ZBTB11: variants seen among roughly 807,000 people sequenced by gnomAD.
The protein encoded by ZBTB11 is zinc finger and BTB domain containing 11.
In ZBTB11, 68 loss-of-function variants were observed where a neutral mutation model predicts 113.1. That is an observed-to-expected ratio of 0.60 (90% CI 0.49 to 0.74). The LOEUF is 0.74. Among genes scored for constraint, ZBTB11 ranks in the 30% least tolerant of loss-of-function variants. The probability of loss-of-function intolerance (pLI) is 0.00; values close to 1 mark genes in which losing one functional copy is unlikely to be tolerated. For synonymous variants in ZBTB11, 518 were observed against 452.6 expected, an observed-to-expected ratio of 1.14 and a Z score of -1.83; for missense variants, 1,104 against 1,279.4, an observed-to-expected ratio of 0.86 and a Z score of 2.09.
chr3:101,670,831 T>A, intron 3 of ZBTB11: 2 of 295,258 alleles, frequency 6.8e-6, no homozygotes, highest in Non-Finnish European at 1.3e-5. Context: ...ATTCATTTAA[T>A]GTAATAATTT....
intron 10 of ZBTB11, 53 bp from the exon 11 acceptor site, chr3:101,651,736 A>G: frequency 1.4e-6 from 2 of 1,479,632 alleles, no homozygotes; most frequent in Non-Finnish European, 1.8e-6. Flanking sequence ...ACCAAAATAT[A>G]CTTAAACTGC....
intron 8 of ZBTB11, among the ~76,000 whole-genome samples, 175 bp downstream of exon 8, chr3:101,654,529 T>C (rs1052736909): frequency 3.9e-5 from 6 of 152,156 alleles, no homozygotes; most frequent in African/African-American, 7.2e-5. Flanking sequence ...ATTTGTATGG[T>C]AAATGATTTA....
intron 1 of ZBTB11, among the ~76,000 whole-genome samples, chr3:101,674,385 G>T (rs1937129068): frequency 1.3e-5 from 2 of 151,986 alleles, no homozygotes; most frequent in Admixed American, 6.6e-5. Flanking sequence ...TATCAAAAAA[G>T]CATTTATATG....
chr3:101,664,756 A>T, intron 4 of ZBTB11, 42 bp from the exon 5 acceptor site: 1 of 1,531,382 alleles, frequency 6.5e-7, no homozygotes, highest in South Asian at 1.3e-5. Flanking sequence ...AATCTACTCA[A>T]TTTTAATTTT....
intron 6 of ZBTB11, among the ~76,000 whole-genome samples, chr3:101,657,125 A>T (rs1391175820): frequency 7.4e-6 from 1 of 135,802 alleles, no homozygotes; most frequent in Non-Finnish European, 1.6e-5. Context: ...TCAGTGACAG[A>T]GCAAGAATCA....
chr3:101,667,202 T>C (rs1217429377), intron 3 of ZBTB11, among the ~76,000 whole-genome samples: 2 of 152,188 alleles, frequency 1.3e-5, no homozygotes, highest in Non-Finnish European at 2.9e-5. Flanking sequence ...GGCGTGCACC[T>C]GGTTATTTTT....
At chr3:101,662,753 A>G (rs943410209) in intron 5 of ZBTB11, among the ~76,000 whole-genome samples, 5 of 151,254 alleles carry the variant, frequency 3.3e-5, no homozygotes, top group Non-Finnish European at 7.4e-5. Context: ...CTAGTCTTGG[A>G]TTCCTCAAAA....
chr3:101,656,753 ACTCT>A (rs565710773), intron 6 of ZBTB11, among the ~76,000 whole-genome samples: 15 of 152,034 alleles, frequency 9.9e-5, no homozygotes, highest in Admixed American at 8.5e-4. Context: ...CTACATGCTT[ACTCT>A]CTATTTCTGT....
Position 101,651,434 on chromosome 3 carries a change from A to G in ZBTB11, c.2894T>C (p.Val965Ala). 6.2e-7 allele frequency: 1 copy of G among 1,614,186 alleles called. No homozygotes were observed. The highest frequency in any genetic ancestry group is 8.5e-7 in the Non-Finnish European group (1 of 1,180,020). Reference protein sequence around the residue: ...HNQGTQVAHAVSILTAGMQEQ... With the variant: ...HNQGTQVAHAASILTAGMQEQ... ...CTGCATGCCTGCTGTTAAGATGCTA[A>G]CAGCATGTGCCACTTGAGTTCCTTG... Residue 965 changes from valine (V) to alanine (A), a missense_variant, in exon 11 of 11, where the codon GTT (valine) becomes GCT (alanine). Physicochemically the swap from Val to Ala is moderately conservative, Grantham distance 64. Transcript: ENST00000312938.
chr3:101,669,667 T>G (rs1328372128), intron 3 of ZBTB11, among the ~76,000 whole-genome samples: 1 of 151,912 alleles, frequency 6.6e-6, no homozygotes, highest in Admixed American at 6.6e-5. Context: ...CTCCTTTGAG[T>G]CACCAAACCC....
intron 1 of ZBTB11, among the ~76,000 whole-genome samples, chr3:101,672,936 C>T (rs957266853): frequency 6.6e-6 from 1 of 152,186 alleles, no homozygotes; most frequent in Non-Finnish European, 1.5e-5. Flanking sequence ...TGTTCTTAAA[C>T]CTGAATTTCA....
chr3:101,664,930 A>G, intron 4 of ZBTB11, 34 bp downstream of exon 4: 1 of 1,567,138 alleles, frequency 6.4e-7, no homozygotes, highest in Non-Finnish European at 8.6e-7. Flanking sequence ...ACCTAAAGCT[A>G]AAACTACAAA....
rs1937180465 is a variant in ZBTB11, at chr3:101,676,652, G to T, written c.263C>A (p.Thr88Asn). Residue 88 changes from threonine to asparagine, a missense_variant, in exon 1 of 11, where the codon ACC becomes AAC. By Grantham distance (65) the Thr-to-Asn change is moderately conservative. Around this residue, in one of 5 missense-constraint regions of ZBTB11, gnomAD observed 245 missense variants for 272.5 expected, o/e 0.90. Coordinates refer to ENST00000312938, the MANE Select transcript of ZBTB11 (RefSeq NM_014415.4). The part of the protein sequence containing the change: ...AHLGPGGTHH[T>N]RHQTWHYLSK... ...CAAGTAGTGCCAGGTCTGATGCCGG[G>T]TGTGGTGAGTGCCGCCGGGACCCAG... The T allele has an allele frequency of 1.3e-6, 2 of 1,576,850 alleles. No homozygotes were observed. Among genetic ancestry groups the T allele is most frequent in the Admixed American group, 1.8e-5 (1 of 55,586 alleles).
At position 101,677,036 on chromosome 3, in the gene ZBTB11, G is replaced by C. The variant is rs1206742850; in HGVS notation, c.-122C>G. The C allele has an allele frequency of 1.7e-6, 2 of 1,170,850 alleles. No individual in the cohort carries two copies. Among genetic ancestry groups the C allele is most frequent in the African/African-American group, 3.2e-5 (2 of 63,248 alleles). 72.5% of individuals were successfully genotyped at this position (1,170,850 alleles called of 1,614,324 possible). ...GGAGAAACGGCTGCGCCTTTGGCGA[G>C]CGCTCTTCGACGGCTCCCTTAGTCC... On this transcript the variant is annotated 5_prime_UTR_variant, in exon 1 of 11. Coordinates refer to ENST00000312938, the MANE Select transcript of ZBTB11 (RefSeq NM_014415.4).
At position 101,665,613 on chromosome 3, in the gene ZBTB11, T is replaced by C; in HGVS notation, c.974A>G (p.Gln325Arg). 6.2e-7 allele frequency: 1 copy of C among 1,614,260 alleles called. No individual in the cohort carries two copies. The highest frequency in any genetic ancestry group is 8.5e-7 in the Non-Finnish European group (1 of 1,180,038). Residue 325 changes from glutamine to arginine, a missense_variant, in exon 4 of 11, where the codon CAA (glutamine) becomes CGA (arginine). Physicochemically the swap from Gln to Arg is conservative, Grantham distance 43 (BLOSUM62 1). This residue lies in a region of ZBTB11 where 535 missense variants were observed against 518.6 expected (regional missense o/e 1.03). Coordinates refer to ENST00000312938, the MANE Select transcript of ZBTB11 (RefSeq NM_014415.4). ...TAAGTCCTGGGTGGATGCAACTGTT[T>C]GTACTTCGCCCTTCTTATATACTGT... The part of the protein sequence containing the change: ...QLTVYKKGEV[Q>R]TVASTQDLRV...
chr3:101,657,444 T>C (rs1230318327), intron 6 of ZBTB11, among the ~76,000 whole-genome samples: 1 of 149,208 alleles, frequency 6.7e-6, no homozygotes, highest in African/African-American at 2.5e-5. Context: ...AGGTGGAGGT[T>C]GCAGTGAACT....
At position 101,660,163 on chromosome 3, in the gene ZBTB11, C is replaced by T. The variant is rs187878069; in HGVS notation, c.1801-135G>A. On this transcript the variant is annotated intron_variant, in intron 5 of 10. Transcript: ENST00000312938. ...CACACTATGTAAAAAACAATAGGTA[C>T]TAGATTGTAAAGATAAAAGGGATAA... The T allele has an allele frequency of 4.3e-4, 370 of 865,190 alleles. 6 individuals are homozygous for T. In the African/African-American group the frequency reaches 5.9e-3, roughly 14 times the overall value. 53.6% of individuals were successfully genotyped at this position (865,190 alleles called of 1,614,324 possible).
At position 101,651,567 on chromosome 3, in the gene ZBTB11, C is replaced by A; in HGVS notation, c.2761G>T (p.Glu921Ter). 6.2e-7 allele frequency: 1 copy of A among 1,613,932 alleles called. No homozygotes were observed. Among genetic ancestry groups the A allele is most frequent in the Non-Finnish European group, 8.5e-7 (1 of 1,179,994 alleles). ...ERPYVCPVCSEAYIDARTLRK... is the reference protein window; with the variant it reads ...ERPYVCPVCS ...AGTGTTCGAGCATCTATGTAGGCTT[C>A]GCTACATACAGGACAGACATAGGGC... The change falls in exon 11 of 11, where the codon GAA becomes TAA. Residue 921 changes from glutamate (E) to a stop codon, truncating the protein, a stop_gained. Transcript: ENST00000312938. LOFTEE classifies it high-confidence loss of function.
intron 5 of ZBTB11, among the ~76,000 whole-genome samples, chr3:101,661,233 CAAAAA>C (rs36039635): frequency 3.7e-5 from 4 of 107,228 alleles, no homozygotes; most frequent in African/African-American, 3.2e-5. Context: ...GACCCTGTCT[CAAAAA>C]AAAAAAAAAA....
Sources: allele counts gnomAD v4.1 joint callset (sites outside exome capture counted in the v4.1 genomes callset), GRCh38; gene constraint gnomAD v4.1.1; regional missense constraint gnomAD v4.1.1; transcripts MANE v1.5; gene names NCBI Gene and HGNC (gene_info 2026-07-23, HGNC 2026-07-21).